Variants in RIMBP2 observed in about 807,000 individuals in gnomAD.
The protein encoded by RIMBP2 is RIMS binding protein 2.
RIMBP2 carries 48 observed loss-of-function variants against 118.6 expected under a neutral mutation model. The observed-to-expected ratio is 0.40, with a 90% CI of 0.32 to 0.51. The LOEUF is 0.51. Among genes scored for constraint, RIMBP2 ranks in the 20% least tolerant of loss-of-function variants. The pLI is 0.41. For synonymous variants in RIMBP2, 762 were observed against 742.9 expected (o/e 1.03, Z -0.42); for missense variants, 1,551 against 1,768.3 (o/e 0.88, Z 2.20).
intron 2 of RIMBP2, among the ~76,000 whole-genome samples, chr12:130,567,494 C>T (rs986244829): frequency 6.6e-6 from 1 of 152,206 alleles, no homozygotes. Context: ...CCCTTCTATC[C>T]CCCACTCTGC....
chr12:130,685,820 C>T (rs2065014076), intron 1 of RIMBP2, among the ~76,000 whole-genome samples: 1 of 152,220 alleles, frequency 6.6e-6, no homozygotes. Context: ...TCCAAAATCT[C>T]AGCCTTTGCC....
intron 7 of RIMBP2, among the ~76,000 whole-genome samples, chr12:130,452,791 G>A (rs936801181): frequency 6.6e-6 from 1 of 152,202 alleles, no homozygotes; most frequent in African/African-American, 2.4e-5. Context: ...CTTCCTGCCT[G>A]ACACCGCGCC....
chr12:130,693,056 A>T (rs548103065), intron 1 of RIMBP2, among the ~76,000 whole-genome samples: 3 of 152,098 alleles, frequency 2.0e-5, no homozygotes, highest in African/African-American at 7.2e-5. Context: ...GAGAGTGAAG[A>T]TTGCTCCATG....
chr12:130,645,526 G>C (rs533111657), intron 1 of RIMBP2, among the ~76,000 whole-genome samples: 1 of 152,318 alleles, frequency 6.6e-6, no homozygotes, highest in Admixed American at 6.5e-5. Context: ...ACACGGGATG[G>C]GCAGAGAACT....
chr12:130,591,270 C>A (rs1287985327), intron 2 of RIMBP2, among the ~76,000 whole-genome samples: 8 of 152,164 alleles, frequency 5.3e-5, no homozygotes, highest in Admixed American at 5.2e-4. Flanking sequence ...ACTTTCTGTA[C>A]AGAGTCATTA....
Position 130,470,743 on chromosome 12 carries a change from C to G in RIMBP2, c.103G>C (p.Ala35Pro). The G allele has an allele frequency of 8.1e-7, 1 of 1,231,506 alleles. No individual in the cohort carries two copies. Among genetic ancestry groups the G allele is most frequent in the Non-Finnish European group, 1.0e-6 (1 of 987,522 alleles). 76.3% of individuals were successfully genotyped at this position (1,231,506 alleles called of 1,614,324 possible). ...KQQEIDLLQK[A>P]QVEAKKEHEG... is the part of the protein sequence containing the mutation. ...TGCTCCTTCTTAGCCTCAACCTGAGCCTTTTTTATGATGAAAAGAGAGAAA... is the reference window on the plus strand; with the variant it reads ...TGCTCCTTCTTAGCCTCAACCTGAGGCTTTTTTATGATGAAAAGAGAGAAA... Residue 35 changes from alanine (A) to proline (P), a missense_variant and splice_region_variant, in exon 6 of 23, where the codon GCT becomes CCT. Around this residue, in one of 5 missense-constraint regions of RIMBP2, gnomAD observed 239 missense variants for 256.8 expected, o/e 0.93. Coordinates refer to ENST00000690449, the MANE Select transcript of RIMBP2 (RefSeq NM_001393629.1).
rs1028284793 is a variant in RIMBP2, at chr12:130,621,402, C to A, written c.-217+6920G>T. Among the ~76,000 whole-genome samples, 1 of 152,188 alleles carries A rather than the reference C, an allele frequency of 6.6e-6. No individual in the cohort carries two copies. The highest frequency in any genetic ancestry group is 1.5e-5 in the Non-Finnish European group (1 of 68,032). ...CTCTGATTAAAGACTGACGCCAACA[C>A]AGAGGAAAAGGATGGAGATTCCCAA... On this transcript the variant is annotated intron_variant, in intron 2 of 22. Transcript: ENST00000690449. This position sits in a 1 kb window ranked among gnomAD's most constrained non-coding sequence, Gnocchi z 6.6.
intron 9 of RIMBP2, among the ~76,000 whole-genome samples, chr12:130,445,838 T>C (rs1229535211): frequency 6.6e-6 from 1 of 152,240 alleles, no homozygotes; most frequent in East Asian, 1.9e-4. Context: ...TTCTAACTTT[T>C]GGCTAATATA....
chr12:130,561,200 T>G (rs1027871532), intron 2 of RIMBP2, among the ~76,000 whole-genome samples: 1 of 152,156 alleles, frequency 6.6e-6, no homozygotes, highest in Admixed American at 6.5e-5. Context: ...CACCTTGATC[T>G]CGGATTTCCA....
At position 130,397,352 on chromosome 12, in the gene RIMBP2, G is replaced by A; in HGVS notation, c.*9C>T. 1 of 399,020 alleles carries A rather than the reference G, an allele frequency of 2.5e-6. No homozygotes were observed. 24.7% of individuals were successfully genotyped at this position (399,020 alleles called of 1,614,324 possible). On this transcript the variant is annotated 3_prime_UTR_variant, in exon 23 of 23. Coordinates refer to ENST00000690449, the MANE Select transcript of RIMBP2 (RefSeq NM_001393629.1). Reference sequence around the variant, plus strand: ...ACATAGATTTGGCAGTTGTCCGGAAGCACATGAATCATTTCACTGCACCCA... The same window carrying A: ...ACATAGATTTGGCAGTTGTCCGGAAACACATGAATCATTTCACTGCACCCA...
At chr12:130,491,248 A>G (rs1471317755) in intron 4 of RIMBP2, among the ~76,000 whole-genome samples, 1 of 152,180 alleles carries the variant, frequency 6.6e-6, no homozygotes, top group African/African-American at 2.4e-5. Flanking sequence ...ATTTACAGAG[A>G]AGGAAACCAA....
In RIMBP2 at chr12:130,441,447, A is replaced by AATAATT. The variant is rs572339336; in HGVS notation, c.1504+400_1504+401insAATTAT. Among the ~76,000 whole-genome samples, 406 of 141,054 alleles carry AATAATT rather than the reference A, an allele frequency of 2.9e-3. 2 individuals are homozygous for AATAATT. Among genetic ancestry groups the AATAATT allele is most frequent in the African/African-American group, 9.9e-3 (381 of 38,384 alleles). The allele number at this position is 141,054 out of a possible 152,430, so 92.5% of individuals were successfully genotyped here. On this transcript the variant is annotated intron_variant, in intron 11 of 22. Coordinates refer to ENST00000690449, the MANE Select transcript of RIMBP2 (RefSeq NM_001393629.1). ...TAATAATAATAATAATAATAATAAT[A>AATAATT]ATTTACAAGGACGAGAAAGAAGGAA...
intron 2 of RIMBP2, among the ~76,000 whole-genome samples, chr12:130,527,498 CTG>C (rs3047805): frequency 0.44 from 67,231 of 152,054 alleles, 15,412 homozygotes; most frequent in Admixed American, 0.51. Context: ...TATTTAAAAA[CTG>C]TGTTCCTAAC....
intron 1 of RIMBP2, among the ~76,000 whole-genome samples, chr12:130,684,476 C>G (rs1040048487): frequency 1.3e-5 from 2 of 152,172 alleles, no homozygotes; most frequent in Non-Finnish European, 2.9e-5. Flanking sequence ...GGCGTTCAAA[C>G]CATAGCGACT....
chr12:130,437,136 C>A lies in RIMBP2; in HGVS notation c.1812G>T (p.Val604=). Residue 604 remains valine, a synonymous_variant, in exon 13 of 23, where the codon GTG becomes GTT. Transcript: ENST00000690449. ...AVAAVPPELL[V]PPTPHPRPAP... is the part of the protein sequence containing the mutation. The stretch of plus-strand genomic sequence containing the variant: ...CAGGTCTCGGGTGGGGGGTAGGAGG[C>A]ACCAGGAGCTCGGGGGGAACGGCAG... 6.3e-7 allele frequency: 1 copy of A among 1,584,388 alleles called. No individual in the cohort carries two copies. The highest frequency in any genetic ancestry group is 8.6e-7 in the Non-Finnish European group (1 of 1,164,158).
At chr12:130,539,188 A>C (rs1304326405) in intron 2 of RIMBP2, among the ~76,000 whole-genome samples, 1 of 152,190 alleles carries the variant, frequency 6.6e-6, no homozygotes, top group African/African-American at 2.4e-5. Flanking sequence ...TATTTTTACA[A>C]TTTGTGTATA....
At chr12:130,713,211 T>TAGGAAGGAAGGA (rs66952529) in intron 1 of RIMBP2, among the ~76,000 whole-genome samples, 21 of 98,100 alleles carry the variant, frequency 2.1e-4, no homozygotes, top group African/African-American at 5.1e-4. Flanking sequence ...GGAAGGAAGA[T>TAGGAAGGAAGGA]AGGAAGGAAG....
In RIMBP2 at chr12:130,576,354, C is replaced by T. The variant is rs1251099902; in HGVS notation, c.-217+51968G>A. ...CAATGGCCCTGCATGCTTTGAGAAT[C>T]GCTGTGAGCTGTGCTTCTAGATCCT... On this transcript the variant is annotated intron_variant, in intron 2 of 22. Coordinates refer to ENST00000690449, the MANE Select transcript of RIMBP2 (RefSeq NM_001393629.1). The surrounding 1 kb of genome is among the most constrained non-coding windows in gnomAD (Gnocchi z 4.2). Among the ~76,000 whole-genome samples the T allele has an allele frequency of 6.6e-6, 1 of 152,100 alleles. No individual in the cohort carries two copies. The highest frequency in any genetic ancestry group is 1.5e-5 in the Non-Finnish European group (1 of 68,028).
chr12:130,640,587 C>T (rs1260005461), intron 1 of RIMBP2, among the ~76,000 whole-genome samples: 4 of 152,272 alleles, frequency 2.6e-5, no homozygotes, highest in Admixed American at 2.6e-4. Flanking sequence ...AAAGTGTTCA[C>T]TGAAGCTTCG....
Sources: gnomAD v4.1 joint callset for allele counts (sites outside exome capture counted in the v4.1 genomes callset) on GRCh38, gnomAD v4.1.1 for gene constraint, gnomAD v4.1.1 regional missense constraint, Gnocchi (gnomAD v3.1) non-coding constraint, MANE v1.5 for transcripts, NCBI Gene and HGNC (gene_info 2026-07-23, HGNC 2026-07-21) for gene names.